The following MCTP2 variants were observed in gnomAD, a reference collection of about 807,000 sequenced individuals.
MCTP2 encodes multiple C2 and transmembrane domain containing 2.
Under a neutral mutation model 111.6 loss-of-function variants are expected in MCTP2, and 132 were observed. The observed-to-expected ratio is 1.18, with a 90% confidence interval of 1.03 to 1.37. The LOEUF is 1.37. MCTP2 is among the 40% of genes most tolerant of loss of function. The pLI is 0.00. For missense variants in MCTP2, 1,183 were observed against 1,067.9 expected (o/e 1.11, Z -1.50); for synonymous variants, 395 against 387.7 (o/e 1.02, Z -0.22).
intron 10 of MCTP2, among the ~76,000 whole-genome samples, chr15:94,366,320 TG>T (rs2079182789): frequency 6.6e-6 from 1 of 152,210 alleles, no homozygotes; most frequent in African/African-American, 2.4e-5. Flanking sequence ...CACCTGTAAT[TG>T]GGGTCACTTT....
chr15:94,481,372 C>G lies in MCTP2; in HGVS notation c.*2338C>G, dbSNP rs1567813562. 1 of 151,842 alleles carries G rather than the reference C, an allele frequency of 6.6e-6. No individual in the cohort carries two copies. 9.4% of individuals were successfully genotyped at this position (151,842 alleles called of 1,614,324 possible). A position where few individuals can be genotyped will look rare whatever the true frequency, so the allele number is the denominator to read the frequency against. On this transcript the variant is annotated 3_prime_UTR_variant, in exon 23 of 23. Transcript: ENST00000357742. The stretch of plus-strand genomic sequence containing the variant: ...GGGCTTGGAATTTCTCGGTCATCCT[C>G]TTTTTTTTTGTTCCTCGTGCTGTTG...
chr15:94,391,589 T>G (rs985316891), intron 14 of MCTP2, among the ~76,000 whole-genome samples: 2 of 152,174 alleles, frequency 1.3e-5, no homozygotes, highest in African/African-American at 4.8e-5. Context: ...GAGTCCCAAG[T>G]GGGGCGAAAA....
At chr15:94,452,311 A>G (rs2084512211) in intron 19 of MCTP2, among the ~76,000 whole-genome samples, 1 of 152,240 alleles carries the variant, frequency 6.6e-6, no homozygotes. Context: ...GAGTGAAAAG[A>G]GCATTTGCTA....
chr15:94,365,337 A>AT (rs981416243), intron 10 of MCTP2, among the ~76,000 whole-genome samples: 3 of 152,164 alleles, frequency 2.0e-5, no homozygotes, highest in Non-Finnish European at 2.9e-5. Flanking sequence ...ACAAATGGCT[A>AT]TTTTTCATGA....
chr15:94,409,304 T>C lies in MCTP2; in HGVS notation c.2085+7285T>C, dbSNP rs1187585585. 2.6e-5 allele frequency among the ~76,000 whole-genome samples: 4 copies of C among 152,264 alleles called. No individual in the cohort carries two copies. The East Asian group carries it at 7.8e-4, about 30-fold the overall frequency. On this transcript the variant is annotated intron_variant, in intron 17 of 22. Transcript: ENST00000357742. ...ACTCCGAGTTCTTCAGTTGAGGAAC[T>C]CGGACTGGCTCTCCTTGCTCCTCAG...
chr15:94,345,391 G>A (rs903345959), intron 8 of MCTP2, among the ~76,000 whole-genome samples: 2 of 147,468 alleles, frequency 1.4e-5, no homozygotes, highest in Admixed American at 7.4e-5. Context: ...CATTTTATAT[G>A]TACCGGCCAT....
At position 94,314,098 on chromosome 15, in the gene MCTP2, G is replaced by A. The variant is rs944272496; in HGVS notation, c.466-184G>A. 3.9e-5 allele frequency among the ~76,000 whole-genome samples: 6 copies of A among 152,224 alleles called. No homozygotes were observed. In the South Asian group the frequency reaches 1.2e-3, roughly 32 times the overall value. Reference sequence around the variant, plus strand: ...TTATCCAGTGACTTAGGCGGCAGAGGACACAGCTAGGATGACACCTCTGCA... The same window carrying A: ...TTATCCAGTGACTTAGGCGGCAGAGAACACAGCTAGGATGACACCTCTGCA... On this transcript the variant is annotated intron_variant, in intron 2 of 22. Transcript: ENST00000357742.
chr15:94,262,288 GTGTT>G (rs1017343036), intron 1 of MCTP2, among the ~76,000 whole-genome samples: 11 of 152,148 alleles, frequency 7.2e-5, no homozygotes, highest in African/African-American at 2.4e-4. Context: ...CATTTGGAAA[GTGTT>G]TGAAGATTGT....
chr15:94,278,645 G>A (rs2074329464), intron 1 of MCTP2, among the ~76,000 whole-genome samples: 1 of 152,066 alleles, frequency 6.6e-6, no homozygotes, highest in Admixed American at 6.5e-5. Context: ...TAAATTGCAT[G>A]TCACTGGGGT....
At chr15:94,264,219 A>G (rs2152286552) in intron 1 of MCTP2, among the ~76,000 whole-genome samples, 1 of 152,294 alleles carries the variant, frequency 6.6e-6, no homozygotes, top group Admixed American at 6.5e-5. Context: ...CTGGTTTCAG[A>G]TGGCCTAGGA....
chr15:94,405,145 G>C (rs536778443), intron 17 of MCTP2, among the ~76,000 whole-genome samples: 2 of 152,322 alleles, frequency 1.3e-5, no homozygotes, highest in East Asian at 3.9e-4. Context: ...AGCTATTTTA[G>C]TTGAACCAGT....
At chr15:94,443,781 T>C (rs1284846064) in intron 19 of MCTP2, among the ~76,000 whole-genome samples, 2 of 151,960 alleles carry the variant, frequency 1.3e-5, no homozygotes, top group East Asian at 1.9e-4. Flanking sequence ...ATTTGTTGTG[T>C]TAAGAGGATC....
At chr15:94,360,297 G>GTCCA (rs1211701495) in intron 10 of MCTP2, among the ~76,000 whole-genome samples, 1 of 152,116 alleles carries the variant, frequency 6.6e-6, no homozygotes, top group African/African-American at 2.4e-5. Flanking sequence ...TGGTCCTGTG[G>GTCCA]TCCAGTCTTC....
intron 10 of MCTP2, among the ~76,000 whole-genome samples, chr15:94,360,455 A>G (rs2078869675): frequency 1.3e-5 from 2 of 152,148 alleles, no homozygotes; most frequent in South Asian, 4.1e-4. Flanking sequence ...GCCAATACGG[A>G]TGGTAGTAGG....
chr15:94,334,190 C>T (rs1216102561), intron 4 of MCTP2, among the ~76,000 whole-genome samples: 1 of 152,156 alleles, frequency 6.6e-6, no homozygotes, highest in Non-Finnish European at 1.5e-5. Flanking sequence ...TTGGATCATT[C>T]AGTTCTCAAA....
At chr15:94,232,928 A>G (rs2070289839) in intron 1 of MCTP2, among the ~76,000 whole-genome samples, 1 of 152,204 alleles carries the variant, frequency 6.6e-6, no homozygotes, top group South Asian at 2.1e-4. Context: ...TATGAAATCT[A>G]CAAAGTAGAT....
At chr15:94,266,375 A>T (rs117295448) in intron 1 of MCTP2, among the ~76,000 whole-genome samples, 1,803 of 152,218 alleles carry the variant, frequency 0.012, 25 homozygotes, top group South Asian at 0.025. Context: ...CTCCTCCAAG[A>T]TATATGCTTC....
intron 17 of MCTP2, among the ~76,000 whole-genome samples, chr15:94,414,805 T>G (rs755858064): frequency 3.3e-5 from 5 of 152,198 alleles, no homozygotes; most frequent in Non-Finnish European, 7.3e-5. Flanking sequence ...CGCCCCATGA[T>G]CATCTAATGA....
intron 5 of MCTP2, 130 bp from the exon 6 acceptor site, chr15:94,340,069 A>G (rs1165223304): frequency 1.8e-5 from 12 of 667,004 alleles, no homozygotes; most frequent in East Asian, 1.3e-4. Context: ...CTTTAACTAT[A>G]CTATGCAAAG....
Sources: gnomAD v4.1 joint callset for allele counts (sites outside exome capture counted in the v4.1 genomes callset) on GRCh38, gnomAD v4.1.1 for gene constraint, MANE v1.5 for transcripts, NCBI Gene and HGNC (gene_info 2026-07-23, HGNC 2026-07-21) for gene names.